The following NARS1 variants were observed in gnomAD, a reference collection of about 807,000 sequenced individuals.
The protein encoded by NARS1 is asparagine--tRNA ligase, cytoplasmic.
Under a neutral mutation model 79.2 loss-of-function variants are expected in NARS1, and 65 were observed. The ratio of observed to expected loss-of-function variants is 0.82; its 90% CI spans 0.67 to 1.01. The LOEUF is 1.01. NARS1 is among the 50% of genes least tolerant of loss of function. The probability of loss-of-function intolerance (pLI) is 0.00; values close to 1 mark genes in which losing one functional copy is unlikely to be tolerated. For synonymous variants in NARS1, 229 were observed against 238.8 expected (o/e 0.96, Z 0.38); for missense variants, 649 against 673.8 (o/e 0.96, Z 0.41).
rs115065561 is a variant in NARS1, at chr18:57,610,742, C to T, written c.492+895G>A. Among the ~76,000 whole-genome samples, 1,436 of 149,128 alleles carry T rather than the reference C, an allele frequency of 9.6e-3. 28 individuals are homozygous for T. The highest frequency in any genetic ancestry group is 0.034 in the African/African-American group (1,371 of 40,844). ...CATAGTAATGGGTGGGGAGAGGGGGCGGGTTGCAAAAGAAGAGAGAATGCA... is the reference window on the plus strand; with the variant it reads ...CATAGTAATGGGTGGGGAGAGGGGGTGGGTTGCAAAAGAAGAGAGAATGCA... On this transcript the variant is annotated intron_variant, in intron 6 of 13. Coordinates refer to ENST00000256854, the MANE Select transcript of NARS1 (RefSeq NM_004539.4).
intron 10 of NARS1, among the ~76,000 whole-genome samples, chr18:57,606,306 AC>A (rs2051555685): frequency 2.0e-5 from 3 of 150,182 alleles, no homozygotes; most frequent in South Asian, 4.2e-4. Context: ...AGATCGCGCC[AC>A]TGTACTTCAG....
At chr18:57,605,627 A>G (rs1454167174) in intron 11 of NARS1, among the ~76,000 whole-genome samples, 2 of 151,424 alleles carry the variant, frequency 1.3e-5, no homozygotes, top group Non-Finnish European at 2.9e-5. Context: ...AAAAAAAAAA[A>G]AGAAAAAAAA....
intron 7 of NARS1, among the ~76,000 whole-genome samples, chr18:57,608,898 A>G (rs945480327): frequency 1.3e-5 from 2 of 152,144 alleles, no homozygotes; most frequent in African/African-American, 4.8e-5. Flanking sequence ...TGGCTAGAAA[A>G]AGCAAGAGGA....
intron 10 of NARS1, among the ~76,000 whole-genome samples, chr18:57,606,227 T>C (rs2051554999): frequency 6.6e-6 from 1 of 151,448 alleles, no homozygotes; most frequent in Non-Finnish European, 1.5e-5. Context: ...TGGGCTCCTG[T>C]AGTCCCAGCT....
chr18:57,605,499 C>T (rs1431047673), intron 11 of NARS1, among the ~76,000 whole-genome samples: 1 of 149,892 alleles, frequency 6.7e-6, no homozygotes, highest in Non-Finnish European at 1.5e-5. Context: ...CCCAGCTACT[C>T]GGGAGGCTGA....
At chr18:57,605,312 T>C (rs545134068) in intron 11 of NARS1, among the ~76,000 whole-genome samples, 200 of 151,760 alleles carry the variant, frequency 1.3e-3, no homozygotes, top group African/African-American at 3.7e-3. Flanking sequence ...GAAGGCAGCT[T>C]AGAAACTCAC....
At chr18:57,617,400 G>A (rs1048925486) in intron 2 of NARS1, among the ~76,000 whole-genome samples, 1 of 151,184 alleles carries the variant, frequency 6.6e-6, no homozygotes, top group Non-Finnish European at 1.5e-5. Flanking sequence ...GTGAAACCCC[G>A]TCTCCGCTAA....
At chr18:57,605,121 GAAAA>G (rs199936147) in intron 11 of NARS1, among the ~76,000 whole-genome samples, 2 of 125,434 alleles carry the variant, frequency 1.6e-5, no homozygotes, top group Non-Finnish European at 3.2e-5. Flanking sequence ...ACATTCTCCA[GAAAA>G]AAAAAAAAAA....
At position 57,602,361 on chromosome 18, in the gene NARS1, C is replaced by T. The variant is rs779787740; in HGVS notation, c.1509G>A (p.Thr503=). Residue 503 remains threonine, a synonymous_variant, in exon 13 of 14, where the codon ACG becomes ACA. Transcript: ENST00000256854. ...GIDPTPYYWY[T]DQRKYGTCPH... is the part of the protein sequence containing the mutation. Reference sequence around the variant, plus strand: ...CTTAAAAAATTGGTTTTACCTGATCCGTATACCAGTAATAGGGAGTGGGGT... The same window carrying T: ...CTTAAAAAATTGGTTTTACCTGATCTGTATACCAGTAATAGGGAGTGGGGT... 4.3e-6 allele frequency: 7 copies of T among 1,611,924 alleles called. No homozygotes were observed. The highest frequency in any genetic ancestry group is 1.7e-5 in the Admixed American group (1 of 59,422).
chr18:57,606,452 T>C (rs2051558163), intron 10 of NARS1, among the ~76,000 whole-genome samples, 164 bp downstream of exon 10: 1 of 151,736 alleles, frequency 6.6e-6, no homozygotes, highest in South Asian at 2.1e-4. Context: ...CTGAAAACAT[T>C]ATAAAATTAT....
intron 7 of NARS1, 81 bp downstream of exon 7, chr18:57,609,276 C>T (rs2051585762): frequency 8.6e-7 from 1 of 1,162,900 alleles, no homozygotes; most frequent in African/African-American, 1.5e-5. Flanking sequence ...ATACATATGC[C>T]AAATGTACAA....
Position 57,607,220 on chromosome 18 carries a change from C to T in NARS1, c.915G>A (p.Glu305=), listed in dbSNP as rs2051565528. The part of the protein sequence containing the change: ...FLTQSSQLYL[E]TCLPALGDVF... ...CATCTCCCAGGGCTGGGAGGCAGGT[C>T]TCCAAGTACAACTGAGAGGATTGAG... is the stretch of plus-strand genomic sequence containing the variant. Residue 305 remains glutamate (E), a synonymous_variant, in exon 9 of 14, where the codon GAG becomes GAA. Transcript: ENST00000256854. The T allele has an allele frequency of 1.2e-6, 2 of 1,614,002 alleles. No homozygotes were observed. The highest frequency in any genetic ancestry group is 1.7e-5 in the Admixed American group (1 of 59,980).
At chr18:57,621,517 C>T (rs1304392802) in intron 1 of NARS1, among the ~76,000 whole-genome samples, 191 bp downstream of exon 1, 2 of 152,180 alleles carry the variant, frequency 1.3e-5, no homozygotes, top group African/African-American at 4.8e-5. Flanking sequence ...CTCGGGGAAG[C>T]CCGGCCTGGC....
At chr18:57,611,799 G>A (rs555679437) in intron 5 of NARS1, 92 bp from the exon 6 acceptor site, 32 of 614,862 alleles carry the variant, frequency 5.2e-5, no homozygotes, top group Admixed American at 8.7e-5. Flanking sequence ...GTCTCACTTC[G>A]TCACCCAGGC....
chr18:57,621,086 A>G (rs1908279217), intron 1 of NARS1, among the ~76,000 whole-genome samples: 5 of 152,204 alleles, frequency 3.3e-5, no homozygotes, highest in Admixed American at 3.3e-4. Flanking sequence ...AGGATGAAAT[A>G]AAATAACACA....
rs1568166256 is a variant in NARS1, at chr18:57,615,833, G to C, written c.236C>G (p.Ser79Cys). The C allele has an allele frequency of 1.9e-6, 3 of 1,612,222 alleles. No homozygotes were observed. Among genetic ancestry groups the C allele is most frequent in the Admixed American group, 1.7e-5 (1 of 59,580 alleles). The change falls in exon 3 of 14, where the codon TCC becomes TGC. Residue 79 changes from serine (S) to cysteine (C), a missense_variant. Physicochemically the swap from Ser to Cys is moderately radical, Grantham distance 112. Coordinates refer to ENST00000256854, the MANE Select transcript of NARS1 (RefSeq NM_004539.4). The part of the protein sequence containing the change: ...MWHREQMKSE[S>C]REKKEAEDSL... ...AGGACTCACCTCTTTCTTTTCCCGG[G>C]ATTCACTCTTCATTTGTTCCCTATG... is the stretch of plus-strand genomic sequence containing the variant.
At chr18:57,602,305 G>T (rs1033814080) in intron 13 of NARS1, 50 bp downstream of exon 13, 1 of 1,575,234 alleles carries the variant, frequency 6.3e-7, no homozygotes, top group South Asian at 1.1e-5. Flanking sequence ...AATATATACA[G>T]AACGATTACA....
chr18:57,607,106 GA>G, intron 9 of NARS1, 27 bp downstream of exon 9: 1 of 1,575,360 alleles, frequency 6.3e-7, no homozygotes, highest in Non-Finnish European at 8.6e-7. Context: ...TACCTAGAAA[GA>G]AATAAAACAA....
chr18:57,612,726 G>A (rs890189156), intron 5 of NARS1, among the ~76,000 whole-genome samples: 3 of 152,156 alleles, frequency 2.0e-5, no homozygotes, highest in East Asian at 1.9e-4. Context: ...GTGAGCCACC[G>A]CACCTGGCCT....
Sources: gnomAD v4.1 joint callset for allele counts (sites outside exome capture counted in the v4.1 genomes callset) on GRCh38, gnomAD v4.1.1 for gene constraint, MANE v1.5 for transcripts, NCBI Gene and HGNC (gene_info 2026-07-23, HGNC 2026-07-21) for gene names.